The following SCML4 variants were observed in gnomAD, a reference collection of about 807,000 sequenced individuals.
SCML4 encodes Scm polycomb group protein like 4.
A neutral mutation model predicts 41.1 loss-of-function variants in SCML4; 34 were observed. The observed-to-expected ratio is 0.83, with a 90% CI of 0.63 to 1.10. SCML4 has a LOEUF of 1.10. Among genes scored for constraint, SCML4 ranks in the 50% least tolerant of loss-of-function variants. SCML4 has a pLI of 0.00. For missense variants in SCML4, 522 were observed against 534.1 expected, an observed-to-expected ratio of 0.98 and a Z score of 0.22; for synonymous variants, 214 against 220.9, an observed-to-expected ratio of 0.97 and a Z score of 0.28.
At position 107,707,988 on chromosome 6, in the gene SCML4, G is replaced by A; in HGVS notation, c.997C>T (p.Gln333Ter). 2 of 1,551,206 alleles carry A rather than the reference G, an allele frequency of 1.3e-6. No homozygotes were observed. The highest frequency in any genetic ancestry group is 1.7e-6 in the Non-Finnish European group (2 of 1,146,986). Residue 333 changes from glutamine (Q) to a stop codon, truncating the protein, a stop_gained, in exon 7 of 8, where the codon CAG becomes TAG. Transcript: ENST00000369020. LOFTEE classifies it high-confidence loss of function. ...CTGCTCCGTGGCCGCCTGGCATCCT[G>A]CGCATCCTGAGAAGGGCTTGAGGCT... ...RCASSPSQDA[Q>*]DARRPRSRNP...
chr6:107,805,244 TG>T (rs1783638285), intron 1 of SCML4, among the ~76,000 whole-genome samples: 1 of 152,178 alleles, frequency 6.6e-6, no homozygotes, highest in Admixed American at 6.5e-5. Context: ...GTTCTCTATT[TG>T]GCCCTTTATA....
At chr6:107,790,816 T>C (rs573563369) in intron 1 of SCML4, among the ~76,000 whole-genome samples, 2 of 152,268 alleles carry the variant, frequency 1.3e-5, no homozygotes, top group South Asian at 4.1e-4. Context: ...ATGTCTGTAA[T>C]CCCAGCACTT....
At chr6:107,737,274 TG>T (rs1334063181) in intron 5 of SCML4, among the ~76,000 whole-genome samples, 1 of 152,190 alleles carries the variant, frequency 6.6e-6, no homozygotes, top group African/African-American at 2.4e-5. Flanking sequence ...TTCTTCGGAT[TG>T]GGGAAGGTTT....
intron 5 of SCML4, among the ~76,000 whole-genome samples, chr6:107,741,992 A>G (rs1777635876): frequency 6.6e-6 from 1 of 152,228 alleles, no homozygotes; most frequent in Non-Finnish European, 1.5e-5. Context: ...CTGACCAAGA[A>G]TTCAAAATAG....
chr6:107,759,668 G>A (rs149128388), intron 2 of SCML4, among the ~76,000 whole-genome samples: 26 of 152,126 alleles, frequency 1.7e-4, no homozygotes, highest in African/African-American at 6.3e-4. Flanking sequence ...CTGCTGATTT[G>A]GTTAACTAAC....
intron 1 of SCML4, among the ~76,000 whole-genome samples, chr6:107,810,811 A>G (rs1583651481): frequency 1.3e-5 from 2 of 152,158 alleles, no homozygotes; most frequent in South Asian, 4.2e-4. Flanking sequence ...GAGATAGGCT[A>G]TTTTATCTTT....
At chr6:107,830,741 A>G in the SCML4 span, among the ~76,000 whole-genome samples, 12 of 152,218 alleles carry the variant, frequency 7.9e-5, no homozygotes, top group Non-Finnish European at 1.2e-4. Flanking sequence ...TATCAGAAAA[A>G]AAAATCATTC....
At chr6:107,766,131 A>G (rs1583529252) in intron 2 of SCML4, among the ~76,000 whole-genome samples, 1 of 152,180 alleles carries the variant, frequency 6.6e-6, no homozygotes, top group African/African-American at 2.4e-5. Flanking sequence ...GCACTTTGGG[A>G]GGCCCAGGTG....
intron 2 of SCML4, among the ~76,000 whole-genome samples, chr6:107,754,976 T>C (rs1778983961): frequency 1.3e-5 from 2 of 152,056 alleles, no homozygotes; most frequent in African/African-American, 4.8e-5. Context: ...TGGTGGCATA[T>C]GCCTGTTGTT....
At chr6:107,766,813 G>A (rs1399048837) in intron 2 of SCML4, among the ~76,000 whole-genome samples, 1 of 152,166 alleles carries the variant, frequency 6.6e-6, no homozygotes, top group African/African-American at 2.4e-5. Flanking sequence ...AATGGCCCCT[G>A]CCTTGTGACT....
chr6:107,728,254 C>T (rs1419913240), intron 5 of SCML4, among the ~76,000 whole-genome samples: 1 of 152,198 alleles, frequency 6.6e-6, no homozygotes, highest in African/African-American at 2.4e-5. Flanking sequence ...GATGGCAGAT[C>T]ATTCCCTTAT....
In SCML4 at chr6:107,745,064, G is replaced by A. The variant is rs147163297; in HGVS notation, c.567C>T (p.Leu189=). 7.9e-5 allele frequency: 127 copies of A among 1,613,774 alleles called. 1 individual carries two copies. Among genetic ancestry groups the A allele is most frequent in the African/African-American group, 2.5e-4 (19 of 74,938 alleles). The change falls in exon 5 of 8, where the codon CTC becomes CTT. Residue 189 remains leucine, a synonymous_variant. Transcript: ENST00000369020. Reference sequence around the variant, plus strand: ...ACAGGAGGCTTCGGCACAGCTTGGCGAGGAAGCGGAGGACATAGCCGATGC... The same window carrying A: ...ACAGGAGGCTTCGGCACAGCTTGGCAAGGAAGCGGAGGACATAGCCGATGC... ...VNSIGYVLRF[L]AKLCRSLLCD... is the part of the protein sequence containing the mutation.
chr6:107,706,610 G>A (rs770285802), intron 7 of SCML4, among the ~76,000 whole-genome samples: 5 of 152,212 alleles, frequency 3.3e-5, no homozygotes, highest in African/African-American at 7.2e-5. Flanking sequence ...CACGGTGAAG[G>A]GGAATTAAGG....
chr6:107,726,599 G>C (rs183468862), intron 5 of SCML4, among the ~76,000 whole-genome samples: 1 of 149,248 alleles, frequency 6.7e-6, no homozygotes, highest in African/African-American at 2.5e-5. Flanking sequence ...TTTTAAAATG[G>C]ATAAAGGACT....
intron 4 of SCML4, 190 bp downstream of exon 4, chr6:107,746,499 C>A: frequency 2.0e-6 from 1 of 502,094 alleles, no homozygotes; most frequent in Non-Finnish European, 3.5e-6. Flanking sequence ...GTCTTCTTAC[C>A]CGGGCATGGA....
chr6:107,789,304 C>T (rs1268166781), intron 1 of SCML4, among the ~76,000 whole-genome samples: 1 of 152,170 alleles, frequency 6.6e-6, no homozygotes, highest in African/African-American at 2.4e-5. Context: ...AAGATGAACC[C>T]AGAAAGATCC....
chr6:107,766,001 C>T (rs557978124), intron 2 of SCML4, among the ~76,000 whole-genome samples: 1 of 152,266 alleles, frequency 6.6e-6, no homozygotes, highest in Admixed American at 6.5e-5. Context: ...AACTATTATC[C>T]AATCCAGGCA....
chr6:107,748,283 T>A (rs1778313671), intron 3 of SCML4, among the ~76,000 whole-genome samples: 2 of 152,202 alleles, frequency 1.3e-5, no homozygotes, highest in Non-Finnish European at 2.9e-5. Flanking sequence ...CCCATAAGCA[T>A]CTTACCTTAG....
chr6:107,768,500 A>T (rs1780256400), intron 2 of SCML4, among the ~76,000 whole-genome samples: 1 of 152,214 alleles, frequency 6.6e-6, no homozygotes, highest in Non-Finnish European at 1.5e-5. Flanking sequence ...AACAGAGCAG[A>T]CAGAACATCG....
Sources: allele counts gnomAD v4.1 joint callset (sites outside exome capture counted in the v4.1 genomes callset), GRCh38; gene constraint gnomAD v4.1.1; transcripts MANE v1.5; gene names NCBI Gene and HGNC (gene_info 2026-07-23, HGNC 2026-07-21).